The following SRGAP1 variants were observed in gnomAD, a reference collection of about 807,000 sequenced individuals.
SRGAP1 encodes SLIT-ROBO Rho GTPase-activating protein 1.
SRGAP1 carries 43 observed loss-of-function variants against 121.9 expected under a neutral mutation model. The observed-to-expected ratio is 0.35, with a 90% CI of 0.28 to 0.46. SRGAP1 has a LOEUF of 0.46. SRGAP1 is among the 20% of genes least tolerant of loss of function. The pLI, the probability that SRGAP1 is intolerant of heterozygous loss-of-function variation, is 1.00. For synonymous variants in SRGAP1, 447 were observed against 485.4 expected (o/e 0.92, Z 1.04); for missense variants, 1,102 against 1,350.9 (o/e 0.82, Z 2.89).
rs949611008 is a variant in SRGAP1 at position 64,137,981 on chromosome 12, T to A, written c.2881-4314T>A. ...AAAAAAATATATATATATATATATA[T>A]AAAAAATAATAAAATTGACAATCTT... On this transcript the variant is annotated intron_variant, in intron 21 of 21. Transcript: ENST00000355086. 3.4e-3 allele frequency among the ~76,000 whole-genome samples: 491 copies of A among 144,262 alleles called. 4 individuals carry two copies. The highest frequency in any genetic ancestry group is 9.1e-3 in the African/African-American group (350 of 38,674). 94.6% of individuals were successfully genotyped at this position (144,262 alleles called of 152,430 possible).
chr12:64,081,635 A>T (rs2035843361), intron 10 of SRGAP1: 1 of 152,176 alleles, frequency 6.6e-6, no homozygotes, highest in Non-Finnish European at 1.5e-5. Flanking sequence ...TGAAATACAG[A>T]CTGTATATTA....
At chr12:63,984,990 T>C (rs1593005755) in intron 2 of SRGAP1, among the ~76,000 whole-genome samples, 1 of 139,178 alleles carries the variant, frequency 7.2e-6, no homozygotes, top group South Asian at 2.3e-4. Context: ...CACTCCAGGC[T>C]GGGCAATAGA....
chr12:63,996,291 A>G (rs77192615), intron 3 of SRGAP1, among the ~76,000 whole-genome samples: 2,528 of 152,190 alleles, frequency 0.017, 57 homozygotes, highest in African/African-American at 0.057. Flanking sequence ...TTCATTCTAT[A>G]TGGCTTGGAA....
intron 1 of SRGAP1, among the ~76,000 whole-genome samples, chr12:63,951,008 T>C (rs1283072890): frequency 6.6e-6 from 1 of 151,812 alleles, no homozygotes; most frequent in East Asian, 1.9e-4. Flanking sequence ...TTTTTTTTTT[T>C]TTGGTAATTA....
chr12:64,138,530 G>A (rs905625798), intron 21 of SRGAP1, among the ~76,000 whole-genome samples: 4 of 145,554 alleles, frequency 2.7e-5, no homozygotes, highest in Non-Finnish European at 5.9e-5. Context: ...GCGCCATCTC[G>A]GCTCATTGCA....
At chr12:64,119,898 G>C (rs1008040825) in intron 18 of SRGAP1, among the ~76,000 whole-genome samples, 6 of 149,450 alleles carry the variant, frequency 4.0e-5, no homozygotes, top group Non-Finnish European at 8.9e-5. Flanking sequence ...AGCCTCCCAA[G>C]TACCTGGGAT....
intron 10 of SRGAP1, among the ~76,000 whole-genome samples, chr12:64,085,319 G>A (rs904778538): frequency 4.6e-5 from 7 of 152,088 alleles, no homozygotes; most frequent in Non-Finnish European, 5.9e-5. Context: ...CATCATTGCT[G>A]TTTTTATTGT....
Position 63,866,872 on chromosome 12 carries a change from CT to C in SRGAP1, c.67+22003del, listed in dbSNP as rs796830805. 4.7e-3 allele frequency among the ~76,000 whole-genome samples: 665 copies of C among 140,964 alleles called. 1 individual carries two copies. Among genetic ancestry groups the C allele is most frequent in the Non-Finnish European group, 6.6e-3 (422 of 64,026 alleles). The allele number at this position is 140,964 out of a possible 152,430, so 92.5% of individuals were successfully genotyped here. ...GGAGATAAGGTAAATCATAACATTT[CT>C]TTTTTTTTTTTTTGAGACAGGCTCT... On this transcript the variant is annotated intron_variant, in intron 1 of 21. Transcript: ENST00000355086.
intron 21 of SRGAP1, among the ~76,000 whole-genome samples, chr12:64,137,008 A>G (rs1450891178): frequency 6.6e-6 from 1 of 152,180 alleles, no homozygotes; most frequent in Non-Finnish European, 1.5e-5. Context: ...TCATGCCTGT[A>G]ATCCCAGCAC....
intron 4 of SRGAP1, among the ~76,000 whole-genome samples, chr12:64,023,529 G>C (rs934764979): frequency 1.3e-5 from 2 of 152,140 alleles, no homozygotes; most frequent in African/African-American, 4.8e-5. Context: ...ATTACACTCA[G>C]CATTTTACAA....
chr12:64,024,468 C>A (rs57074356), intron 4 of SRGAP1, among the ~76,000 whole-genome samples: 5,995 of 152,138 alleles, frequency 0.039, 400 homozygotes, highest in African/African-American at 0.14. Context: ...AAAAGAAAAA[C>A]AATTAGGATA....
chr12:64,020,859 A>AAAG (rs1555166840), intron 4 of SRGAP1, among the ~76,000 whole-genome samples: 76 of 150,804 alleles, frequency 5.0e-4, no homozygotes, highest in African/African-American at 1.8e-3. Context: ...AAAAAAAAAA[A>AAAG]AAAGAAAAGA....
intron 1 of SRGAP1, among the ~76,000 whole-genome samples, chr12:63,981,951 C>T (rs2033264418): frequency 6.6e-6 from 1 of 151,800 alleles, no homozygotes; most frequent in East Asian, 1.9e-4. Flanking sequence ...CGGTGGCTCA[C>T]GCCTGTAATC....
chr12:64,046,768 C>G (rs1366476862), intron 6 of SRGAP1, among the ~76,000 whole-genome samples: 1 of 152,132 alleles, frequency 6.6e-6, no homozygotes, highest in Non-Finnish European at 1.5e-5. Flanking sequence ...TGGGATATAT[C>G]AGACTGGAAT....
chr12:63,865,251 G>A (rs1159158728), intron 1 of SRGAP1, among the ~76,000 whole-genome samples: 1 of 152,044 alleles, frequency 6.6e-6, no homozygotes, highest in African/African-American at 2.4e-5. Flanking sequence ...GGCAGATCAC[G>A]TGAGGTCAGG....
intron 1 of SRGAP1, among the ~76,000 whole-genome samples, chr12:63,924,955 A>G (rs992264766): frequency 1.3e-5 from 2 of 152,198 alleles, no homozygotes; most frequent in East Asian, 1.9e-4. Flanking sequence ...ATGAGATCGC[A>G]ACTTAAGCCA....
chr12:64,045,883 C>T (rs1419799170), intron 6 of SRGAP1, among the ~76,000 whole-genome samples: 2 of 152,100 alleles, frequency 1.3e-5, no homozygotes, highest in African/African-American at 4.8e-5. Flanking sequence ...ATTTTATGTA[C>T]GAGTTGGGAG....
intron 8 of SRGAP1, among the ~76,000 whole-genome samples, chr12:64,068,726 C>T (rs1315286755): frequency 6.6e-6 from 1 of 151,730 alleles, no homozygotes; most frequent in African/African-American, 2.4e-5. Flanking sequence ...TATTAATATG[C>T]AGGGTGGGCA....
At chr12:63,988,958 C>G (rs2033486390) in intron 2 of SRGAP1, among the ~76,000 whole-genome samples, 1 of 152,046 alleles carries the variant, frequency 6.6e-6, no homozygotes, top group South Asian at 2.1e-4. Context: ...TTACACGTGC[C>G]CATCACCATG....
Sources: gnomAD v4.1 joint callset for allele counts (sites outside exome capture counted in the v4.1 genomes callset) on GRCh38, gnomAD v4.1.1 for gene constraint, MANE v1.5 for transcripts, NCBI Gene and HGNC (gene_info 2026-07-23, HGNC 2026-07-21) for gene names.